Variants in ASIC2 observed in about 807,000 individuals in gnomAD.
ASIC2 encodes the protein acid-sensing ion channel 2.
In ASIC2, 25 loss-of-function variants were observed where a neutral mutation model predicts 57.3. The observed-to-expected ratio is 0.44, with a 90% confidence interval of 0.32 to 0.61. The LOEUF (loss-of-function observed/expected upper bound fraction) is 0.61. ASIC2 is among the 20% of genes least tolerant of loss of function. ASIC2 has a pLI of 0.06. For synonymous variants in ASIC2, 319 were observed against 307.5 expected, an observed-to-expected ratio of 1.04 and a Z score of -0.39; for missense variants, 641 against 738.1, an observed-to-expected ratio of 0.87 and a Z score of 1.52.
chr17:33,309,244 A>T (rs1255195481), intron 1 of ASIC2, among the ~76,000 whole-genome samples: 2 of 152,046 alleles, frequency 1.3e-5, no homozygotes, highest in African/African-American at 2.4e-5. Flanking sequence ...CAGATGTCGT[A>T]GATTGTCTGC....
chr17:34,126,265 AG>A (rs1267826492), intron 1 of ASIC2, among the ~76,000 whole-genome samples: 1 of 152,204 alleles, frequency 6.6e-6, no homozygotes, highest in African/African-American at 2.4e-5. Flanking sequence ...TTGTGACTAA[AG>A]GCTACACCAG....
chr17:33,415,110 C>T (rs1479439428), intron 1 of ASIC2, among the ~76,000 whole-genome samples: 1 of 152,198 alleles, frequency 6.6e-6, no homozygotes, highest in Non-Finnish European at 1.5e-5. Flanking sequence ...CACTGATTGA[C>T]TCTGTGACTT....
chr17:33,867,061 A>T (rs1914256009), intron 1 of ASIC2, among the ~76,000 whole-genome samples: 1 of 152,224 alleles, frequency 6.6e-6, no homozygotes, highest in Non-Finnish European at 1.5e-5. Flanking sequence ...TGATTATCCA[A>T]CCACAGTTGG....
chr17:33,092,737 T>C (rs952627280), intron 2 of ASIC2, among the ~76,000 whole-genome samples: 15 of 152,222 alleles, frequency 9.9e-5, no homozygotes, highest in Middle Eastern at 3.2e-3. Flanking sequence ...AGGAGTGTGG[T>C]TTATTTAGTG....
At chr17:33,579,674 C>T (rs978612888) in intron 1 of ASIC2, among the ~76,000 whole-genome samples, 1 of 152,088 alleles carries the variant, frequency 6.6e-6, no homozygotes, top group Non-Finnish European at 1.5e-5. Context: ...GTCTGGCAGA[C>T]TTCTAGAGTG....
chr17:33,866,102 G>C (rs1914231257), intron 1 of ASIC2, among the ~76,000 whole-genome samples: 1 of 151,984 alleles, frequency 6.6e-6, no homozygotes, highest in Admixed American at 6.6e-5. Context: ...TATTTTTATA[G>C]TTTTGCATTG....
intron 1 of ASIC2, among the ~76,000 whole-genome samples, chr17:33,847,429 T>C (rs1282098074): frequency 6.6e-6 from 1 of 152,060 alleles, no homozygotes; most frequent in African/African-American, 2.4e-5. Context: ...TTATATGACC[T>C]GACACTCTAT....
intron 3 of ASIC2, among the ~76,000 whole-genome samples, chr17:33,080,073 C>T (rs1453734934): frequency 6.6e-6 from 1 of 152,058 alleles, no homozygotes; most frequent in Non-Finnish European, 1.5e-5. Flanking sequence ...GAGGTCCAGG[C>T]TGGGGTGGCA....
intron 1 of ASIC2, among the ~76,000 whole-genome samples, chr17:34,100,772 C>T (rs1910836542): frequency 6.6e-6 from 1 of 152,170 alleles, no homozygotes; most frequent in South Asian, 2.1e-4. Flanking sequence ...GCTGGGCTTT[C>T]TTCTGTTCCC....
chr17:33,904,677 C>T (rs1915309551), intron 1 of ASIC2, among the ~76,000 whole-genome samples: 2 of 152,172 alleles, frequency 1.3e-5, no homozygotes, highest in Admixed American at 1.3e-4. Flanking sequence ...ACCTGGTTCA[C>T]TATGATAAGT....
chr17:33,296,686 C>G (rs1018737523), upstream of ASIC2, among the ~76,000 whole-genome samples: 1 of 152,196 alleles, frequency 6.6e-6, no homozygotes, highest in South Asian at 2.1e-4. Flanking sequence ...ACCACCACCA[C>G]CACTGATAAG....
At chr17:33,083,473 G>A (rs1208756248) in intron 3 of ASIC2, among the ~76,000 whole-genome samples, 1 of 152,170 alleles carries the variant, frequency 6.6e-6, no homozygotes, top group Non-Finnish European at 1.5e-5. Flanking sequence ...CAGTGCTCAG[G>A]GAATATTTGC....
chr17:33,673,338 T>A lies in ASIC2; in HGVS notation c.555+482640A>T, dbSNP rs373478652. The stretch of plus-strand genomic sequence containing the variant: ...GGTGCCAGGGCAAAGGGCTTGGGCT[T>A]TCTCTTTGGGTGAGAAGAAGCTATA... On this transcript the variant is annotated intron_variant, in intron 1 of 9. Coordinates refer to the ASIC2 transcript ENST00000359872. Among the ~76,000 whole-genome samples the A allele has an allele frequency of 2.6e-5, 4 of 152,296 alleles. No homozygotes were observed. In the East Asian group the frequency reaches 5.8e-4, roughly 22 times the overall value.
At chr17:33,034,713 G>C (rs887903771) in intron 3 of ASIC2, among the ~76,000 whole-genome samples, 5 of 151,974 alleles carry the variant, frequency 3.3e-5, no homozygotes, top group African/African-American at 4.8e-5. Context: ...TTCCCTGCAG[G>C]TATTATGCCC....
In ASIC2 at chr17:33,081,221, A is replaced by T. The variant is rs141761613; in HGVS notation, c.987+7642T>A. Among the ~76,000 whole-genome samples, 475 of 152,320 alleles carry T rather than the reference A, an allele frequency of 3.1e-3. 2 individuals are homozygous for T. The highest frequency in any genetic ancestry group is 0.011 in the African/African-American group (449 of 41,570). On this transcript the variant is annotated intron_variant, in intron 3 of 9. Coordinates refer to ENST00000225823, the MANE Select transcript of ASIC2 (RefSeq NM_183377.2). ...TCTGCTGTCAAGTCCACCTTGAGAA[A>T]ATCAAGCTTATATTGTGCAGGAAAA... is the stretch of plus-strand genomic sequence containing the variant.
At chr17:33,953,605 C>A (rs1232100240) in intron 1 of ASIC2, among the ~76,000 whole-genome samples, 1 of 151,914 alleles carries the variant, frequency 6.6e-6, no homozygotes, top group African/African-American at 2.4e-5. Context: ...GTGTATAAAC[C>A]CTGTCAAAAA....
intron 1 of ASIC2, among the ~76,000 whole-genome samples, chr17:34,137,856 T>G (rs1271882031): frequency 6.6e-6 from 1 of 152,060 alleles, no homozygotes; most frequent in Non-Finnish European, 1.5e-5. Context: ...CTAATCTTAC[T>G]CATGAAGGCT....
intron 1 of ASIC2, chr17:34,005,802 C>T (rs1302559309): frequency 6.6e-6 from 1 of 152,252 alleles, no homozygotes; most frequent in Admixed American, 6.5e-5. Context: ...GTGTCACTTA[C>T]TTACATCTAC....
chr17:33,620,359 G>A (rs552658055), intron 1 of ASIC2, among the ~76,000 whole-genome samples: 74 of 152,014 alleles, frequency 4.9e-4, no homozygotes, highest in Admixed American at 1.6e-3. Context: ...AGTTCCTCTA[G>A]GTCTCTACTC....
Sources: allele counts gnomAD v4.1 joint callset (sites outside exome capture counted in the v4.1 genomes callset), GRCh38; gene constraint gnomAD v4.1.1; transcripts MANE v1.5; gene names NCBI Gene and HGNC (gene_info 2026-07-23, HGNC 2026-07-21).